The following KL variants were observed in gnomAD, a reference collection of about 807,000 sequenced individuals.
KL encodes klotho.
KL carries 62 observed loss-of-function variants against 84.2 expected under a neutral mutation model. The observed-to-expected ratio is 0.74, with a 90% CI of 0.60 to 0.91. KL has a LOEUF of 0.91. Ranked by LOEUF, KL falls within the 40% of genes least tolerant of loss-of-function variation. KL has a pLI of 0.00. For synonymous variants in KL, 528 were observed against 528.0 expected, an observed-to-expected ratio of 1.00 and a Z score of 0.00; for missense variants, 1,261 against 1,305.7, an observed-to-expected ratio of 0.97 and a Z score of 0.53.
In KL at chr13:33,063,902, G is replaced by A. The variant is rs148729589; in HGVS notation, c.2755G>A (p.Asp919Asn). The part of the protein sequence containing the change: ...LCGYFAYSFN[D>N]RTAPRFGLYR... ...CGGATACTTTGCTTATTCGTTTAACGACCGCACAGCTCCGAGGTTTGGCCT... is the reference window on the plus strand; with the variant it reads ...CGGATACTTTGCTTATTCGTTTAACAACCGCACAGCTCCGAGGTTTGGCCT... The change falls in exon 5 of 5, where the codon GAC (aspartate) becomes AAC (asparagine). Residue 919 changes from aspartate (D) to asparagine (N), a missense_variant. Transcript: ENST00000380099. 3 of 1,614,004 alleles carry A rather than the reference G, an allele frequency of 1.9e-6. No individual in the cohort carries two copies. The highest frequency in any genetic ancestry group is 2.5e-6 in the Non-Finnish European group (3 of 1,180,016).
intron 1 of KL, among the ~76,000 whole-genome samples, chr13:33,037,517 C>G (rs1037810833): frequency 6.6e-6 from 1 of 151,952 alleles, no homozygotes; most frequent in Non-Finnish European, 1.5e-5. Flanking sequence ...AATTAAAGGC[C>G]CCAATGTTGT....
chr13:33,031,201 A>C (rs1276297917), intron 1 of KL, among the ~76,000 whole-genome samples: 1 of 152,206 alleles, frequency 6.6e-6, no homozygotes, highest in Non-Finnish European at 1.5e-5. Context: ...GAAGATATGC[A>C]CCAGCAAAAT....
chr13:33,016,541 A>C lies in KL; in HGVS notation c.101A>C (p.Glu34Ala), dbSNP rs1229649358. Residue 34 changes from glutamate (E) to alanine (A), a missense_variant, in exon 1 of 5, where the codon GAG (glutamate) becomes GCG (alanine). Glu to Ala is a moderately radical substitution (Grantham distance 107, BLOSUM62 -1). Coordinates refer to ENST00000380099, the MANE Select transcript of KL (RefSeq NM_004795.4). ...CTGGGCGGCCGCCGCCTGCGTGCGGAGCCGGGCGACGGCGCGCAGACCTGG... is the reference window on the plus strand; with the variant it reads ...CTGGGCGGCCGCCGCCTGCGTGCGGCGCCGGGCGACGGCGCGCAGACCTGG... ...LGLGGRRLRAEPGDGAQTWAR... is the reference protein window; with the variant it reads ...LGLGGRRLRAAPGDGAQTWAR... The C allele has an allele frequency of 2.2e-6, 3 of 1,392,004 alleles. No individual in the cohort carries two copies. Among genetic ancestry groups the C allele is most frequent in the Non-Finnish European group, 2.8e-6 (3 of 1,078,210 alleles). 86.2% of individuals were successfully genotyped at this position (1,392,004 alleles called of 1,614,324 possible).
Position 33,064,235 on chromosome 13 carries a change from A to G in KL, c.*49A>G. 1 of 1,366,824 alleles carries G rather than the reference A, an allele frequency of 7.3e-7. No homozygotes were observed. The highest frequency in any genetic ancestry group is 2.4e-4 in the Middle Eastern group (1 of 4,156). The allele number at this position is 1,366,824 out of a possible 1,614,324, so 84.7% of individuals were successfully genotyped here. ...CATTTTGAAATAATTATGCAGACACATCAGCTGTTAACCATTTGCACCTCT... is the reference window on the plus strand; with the variant it reads ...CATTTTGAAATAATTATGCAGACACGTCAGCTGTTAACCATTTGCACCTCT... On this transcript the variant is annotated 3_prime_UTR_variant, in exon 5 of 5. Transcript: ENST00000380099.
intron 1 of KL, among the ~76,000 whole-genome samples, chr13:33,046,215 G>A (rs868480331): frequency 2.0e-5 from 3 of 152,164 alleles, no homozygotes; most frequent in Non-Finnish European, 4.4e-5. Context: ...GAAAAGAGTC[G>A]TGTTAATTCT....
In KL at chr13:33,060,928, C is replaced by G; in HGVS notation, c.1849C>G (p.Gln617Glu). The G allele has an allele frequency of 6.2e-7, 1 of 1,613,658 alleles. No homozygotes were observed. The highest frequency in any genetic ancestry group is 1.3e-5 in the African/African-American group (1 of 75,064). ...GTCCCAGGTGAACCACACCATCCTG[C>G]AGTACTATCGCTGCATGGCCAGCGA... Reference protein sequence around the residue: ...NQSQVNHTILQYYRCMASELV... With the variant: ...NQSQVNHTILEYYRCMASELV... The change falls in exon 4 of 5, where the codon CAG becomes GAG. Residue 617 changes from glutamine (Q) to glutamate (E), a missense_variant. By Grantham distance (29) the Gln-to-Glu change is conservative. Transcript: ENST00000380099.
At chr13:33,017,655 G>A (rs181616199) in intron 1 of KL, among the ~76,000 whole-genome samples, 7 of 152,316 alleles carry the variant, frequency 4.6e-5, no homozygotes, top group African/African-American at 1.7e-4. Context: ...CGCACAGATA[G>A]CATTACTCTC....
intron 1 of KL, among the ~76,000 whole-genome samples, chr13:33,021,851 T>G (rs211238): frequency 6.6e-6 from 1 of 152,064 alleles, no homozygotes; most frequent in Non-Finnish European, 1.5e-5. Context: ...ACCATTGCAC[T>G]CCATCCTGAG....
intron 1 of KL, among the ~76,000 whole-genome samples, chr13:33,044,259 G>A (rs1871441285): frequency 6.6e-6 from 1 of 152,184 alleles, no homozygotes; most frequent in Non-Finnish European, 1.5e-5. Context: ...ATCAGGTAAT[G>A]TGAATGTTTC....
Position 33,016,656 on chromosome 13 carries a change from C to T in KL, c.216C>T (p.Ala72=), listed in dbSNP as rs1300764421. 4.4e-6 allele frequency: 7 copies of T among 1,585,584 alleles called. No individual in the cohort carries two copies. The highest frequency in any genetic ancestry group is 6.0e-6 in the Non-Finnish European group (7 of 1,166,166). The change falls in exon 1 of 5, where the codon GCC becomes GCT. Residue 72 remains alanine, a synonymous_variant. Transcript: ENST00000380099. ...GCTTCCTCTGGGCCGTGGGCAGCGC[C>T]GCCTACCAGACCGAGGGCGGCTGGC... ...PDGFLWAVGS[A]AYQTEGGWQQ...
Position 33,060,934 on chromosome 13 carries a change from T to C in KL, c.1855T>C (p.Tyr619His). Reference protein sequence around the residue: ...SQVNHTILQYYRCMASELVRV... With the variant: ...SQVNHTILQYHRCMASELVRV... Reference sequence around the variant, plus strand: ...GGTGAACCACACCATCCTGCAGTACTATCGCTGCATGGCCAGCGAGCTTGT... The same window carrying C: ...GGTGAACCACACCATCCTGCAGTACCATCGCTGCATGGCCAGCGAGCTTGT... The change falls in exon 4 of 5, where the codon TAT becomes CAT. Residue 619 changes from tyrosine to histidine, a missense_variant. Tyr to His is a moderately conservative substitution (Grantham distance 83). Coordinates refer to ENST00000380099, the MANE Select transcript of KL (RefSeq NM_004795.4). 6.2e-7 allele frequency: 1 copy of C among 1,612,742 alleles called. No individual in the cohort carries two copies. The highest frequency in any genetic ancestry group is 1.7e-5 in the Admixed American group (1 of 60,012).
At chr13:33,022,859 G>A (rs1021319271) in intron 1 of KL, among the ~76,000 whole-genome samples, 3 of 152,142 alleles carry the variant, frequency 2.0e-5, no homozygotes, top group Non-Finnish European at 4.4e-5. Context: ...CATATTTCTG[G>A]TTTCAACGTG....
At chr13:33,058,191 A>G (rs1292849501) in intron 3 of KL, among the ~76,000 whole-genome samples, 1 of 152,172 alleles carries the variant, frequency 6.6e-6, no homozygotes, top group African/African-American at 2.4e-5. Context: ...GTTAGGAGAA[A>G]GTTTCTCCCA....
At chr13:33,017,570 G>A (rs754526774) in intron 1 of KL, among the ~76,000 whole-genome samples, 2 of 152,164 alleles carry the variant, frequency 1.3e-5, no homozygotes, top group Admixed American at 6.5e-5. Flanking sequence ...AGGTGAGGGC[G>A]GGGAGGATTT....
chr13:33,029,541 A>C lies in KL; in HGVS notation c.819+12282A>C, dbSNP rs531830870. Reference sequence around the variant, plus strand: ...GTTTAGCAACTGTCAAGATTATTACATACAGAGATGACTATTGTGTTCTCA... The same window carrying C: ...GTTTAGCAACTGTCAAGATTATTACCTACAGAGATGACTATTGTGTTCTCA... On this transcript the variant is annotated intron_variant, in intron 1 of 4. Transcript: ENST00000380099. 2.0e-4 allele frequency among the ~76,000 whole-genome samples: 30 copies of C among 152,376 alleles called. No individual in the cohort carries two copies. In the South Asian group the frequency reaches 5.2e-3, roughly 26 times the overall value.
rs150268586 is a variant in KL at position 33,055,087 on chromosome 13, A to T, written c.1371A>T (p.Ala457=). ...LDGVDVIGYT[A]WSLMDGFEWH... The stretch of plus-strand genomic sequence containing the variant: ...GGGTGGATGTCATCGGGTATACCGC[A>T]TGGTCCCTCATGGATGGTTTCGAGT... The change falls in exon 3 of 5, where the codon GCA becomes GCT. Residue 457 remains alanine, a synonymous_variant. Transcript: ENST00000380099. 8.1e-6 allele frequency: 13 copies of T among 1,614,150 alleles called. No individual in the cohort carries two copies. Among genetic ancestry groups the T allele is most frequent in the Non-Finnish European group, 1.1e-5 (13 of 1,180,032 alleles).
chr13:33,023,744 C>T (rs1319251694), intron 1 of KL, among the ~76,000 whole-genome samples: 1 of 152,012 alleles, frequency 6.6e-6, no homozygotes, highest in African/African-American at 2.4e-5. Flanking sequence ...ATCCATGAAC[C>T]GGTATCATTA....
chr13:33,017,220 C>G lies in KL; in HGVS notation c.780C>G (p.Ser260Arg). ...GCCTGGCCCCCGGCATCCGGGGCAG[C>G]CCGCGGCTCGGGTACCTGGTGGCGC... ...TGRLAPGIRG[S>R]PRLGYLVAHN... The change falls in exon 1 of 5, where the codon AGC becomes AGG. Residue 260 changes from serine (S) to arginine (R), a missense_variant. Coordinates refer to ENST00000380099, the MANE Select transcript of KL (RefSeq NM_004795.4). The G allele has an allele frequency of 6.3e-7, 1 of 1,591,738 alleles. No individual in the cohort carries two copies. Among genetic ancestry groups the G allele is most frequent in the African/African-American group, 1.3e-5 (1 of 74,926 alleles).
rs543916308 is a variant in KL, at chr13:33,045,591, C to T, written c.820-8176C>T. Among the ~76,000 whole-genome samples the T allele has an allele frequency of 5.9e-5, 9 of 152,260 alleles. No homozygotes were observed. The East Asian group carries it at 1.7e-3, about 29-fold the overall frequency. ...TGCCTCCTGGGTTCAAGCGATTCTC[C>T]TGCCTCAGCCTCCAGAGTAGCTGGG... On this transcript the variant is annotated intron_variant, in intron 1 of 4. Transcript: ENST00000380099.
Sources: allele counts gnomAD v4.1 joint callset (sites outside exome capture counted in the v4.1 genomes callset), GRCh38; gene constraint gnomAD v4.1.1; transcripts MANE v1.5; gene names NCBI Gene and HGNC (gene_info 2026-07-23, HGNC 2026-07-21).